Variants in CACNB2 observed in about 807,000 individuals in gnomAD.
CACNB2 encodes the protein calcium voltage-gated channel auxiliary subunit beta 2.
CACNB2 carries 42 observed loss-of-function variants against 73.3 expected under a neutral mutation model. The ratio of observed to expected loss-of-function variants is 0.57; its 90% confidence interval spans 0.45 to 0.74. The LOEUF (loss-of-function observed/expected upper bound fraction) is 0.74. CACNB2 is among the 30% of genes least tolerant of loss of function. CACNB2 has a pLI of 0.00. For synonymous variants in CACNB2, 348 were observed against 310.3 expected (o/e 1.12, Z -1.28); for missense variants, 940 against 853.0 (o/e 1.10, Z -1.27).
At chr10:18,212,466 T>A (rs1467731677) in intron 2 of CACNB2, among the ~76,000 whole-genome samples, 1 of 152,196 alleles carries the variant, frequency 6.6e-6, no homozygotes, top group African/African-American at 2.4e-5. Flanking sequence ...AGTCTATGAG[T>A]TGGTTTTCCA....
At chr10:18,492,135 CAT>C (rs751064168) in intron 3 of CACNB2, among the ~76,000 whole-genome samples, 3 of 152,076 alleles carry the variant, frequency 2.0e-5, no homozygotes, top group African/African-American at 4.8e-5. Flanking sequence ...AGGTGCCACA[CAT>C]GTTTAGACAA....
Position 18,214,559 on chromosome 10 carries a change from A to G in CACNB2, c.213+63584A>G, listed in dbSNP as rs1564348790. ...GGAGAATCGCTTGAACCCAGGAGGCAGAGCTTGCAGTGAGCCGAGATAGCA... is the reference window on the plus strand; with the variant it reads ...GGAGAATCGCTTGAACCCAGGAGGCGGAGCTTGCAGTGAGCCGAGATAGCA... On this transcript the variant is annotated intron_variant, in intron 2 of 13. Transcript: ENST00000324631. 6.3e-5 allele frequency among the ~76,000 whole-genome samples: 2 copies of G among 31,546 alleles called. 1 individual carries two copies. The highest frequency in any genetic ancestry group is 2.6e-4 in the Non-Finnish European group (2 of 7,632). 20.7% of individuals were successfully genotyped at this position (31,546 alleles called of 152,430 possible).
At chr10:18,493,211 C>G (rs573699791) in intron 3 of CACNB2, among the ~76,000 whole-genome samples, 1 of 152,182 alleles carries the variant, frequency 6.6e-6, no homozygotes, top group African/African-American at 2.4e-5. Flanking sequence ...CTCTGTTGCC[C>G]AGGCTAGAGT....
intron 11 of CACNB2, among the ~76,000 whole-genome samples, chr10:18,534,711 C>G (rs2053392816): frequency 6.6e-6 from 1 of 152,098 alleles, no homozygotes; most frequent in South Asian, 2.1e-4. Context: ...TTTATTAAAT[C>G]TTGACTTTTA....
At chr10:18,416,327 T>C (rs1163625502) in intron 3 of CACNB2, among the ~76,000 whole-genome samples, 2 of 152,236 alleles carry the variant, frequency 1.3e-5, no homozygotes, top group Non-Finnish European at 2.9e-5. Context: ...ATTACATGTA[T>C]AGACCACATT....
At chr10:18,489,185 C>T (rs1418040370) in intron 3 of CACNB2, among the ~76,000 whole-genome samples, 1 of 151,992 alleles carries the variant, frequency 6.6e-6, no homozygotes, top group Non-Finnish European at 1.5e-5. Flanking sequence ...CGCCACTGCA[C>T]TCCAGCCTGG....
At chr10:18,399,915 A>G (rs1306709862) in intron 2 of CACNB2, among the ~76,000 whole-genome samples, 1 of 152,174 alleles carries the variant, frequency 6.6e-6, no homozygotes, top group African/African-American at 2.4e-5. Context: ...CACCTCATCT[A>G]CAAGCAGAGT....
In CACNB2 at chr10:18,273,226, G is replaced by A. The variant is rs1588905295; in HGVS notation, c.213+122251G>A. Among the ~76,000 whole-genome samples, 3 of 152,122 alleles carry A rather than the reference G, an allele frequency of 2.0e-5. No individual in the cohort carries two copies. The East Asian group carries it at 5.8e-4, about 29-fold the overall frequency. ...TGTCTCAAGGTTCAAGTTCCTAGGA[G>A]AGGGGATCAGAGTGACCTGGCTTGA... On this transcript the variant is annotated intron_variant, in intron 2 of 13. Transcript: ENST00000324631.
intron 2 of CACNB2, among the ~76,000 whole-genome samples, chr10:18,288,698 C>A (rs143228559): frequency 6.6e-6 from 1 of 151,860 alleles, no homozygotes; most frequent in East Asian, 1.9e-4. Flanking sequence ...CACACACACA[C>A]ACACACAGAG....
intron 3 of CACNB2, among the ~76,000 whole-genome samples, chr10:18,443,353 T>A (rs74121221): frequency 0.044 from 6,690 of 151,912 alleles, 363 homozygotes; most frequent in South Asian, 0.12. Context: ...AGGCACGTTT[T>A]CAGGTTGACT....
At chr10:18,517,737 A>G (rs560373656) in intron 7 of CACNB2, among the ~76,000 whole-genome samples, 1 of 152,346 alleles carries the variant, frequency 6.6e-6, no homozygotes, top group Non-Finnish European at 1.5e-5. Flanking sequence ...GTTTACTAAA[A>G]TAAGCATGCA....
At chr10:18,251,284 G>A (rs753446960) in intron 2 of CACNB2, among the ~76,000 whole-genome samples, 19 of 149,998 alleles carry the variant, frequency 1.3e-4, no homozygotes, top group Non-Finnish European at 1.8e-4. Flanking sequence ...TCACTCTGTC[G>A]CCCAGGCTGG....
chr10:18,498,241 G>T, intron 3 of CACNB2, 114 bp from the exon 4 acceptor site: 1 of 1,300,672 alleles, frequency 7.7e-7, no homozygotes, highest in Non-Finnish European at 1.1e-6. Flanking sequence ...CAGTGCAGAG[G>T]GGAAACCAAC....
At chr10:18,252,488 G>A (rs2037127946) in intron 2 of CACNB2, among the ~76,000 whole-genome samples, 1 of 152,176 alleles carries the variant, frequency 6.6e-6, no homozygotes, top group African/African-American at 2.4e-5. Context: ...ATTATGGGAT[G>A]CATTTCGAGC....
At chr10:18,399,019 C>T (rs1002792915) in intron 2 of CACNB2, among the ~76,000 whole-genome samples, 7 of 152,020 alleles carry the variant, frequency 4.6e-5, no homozygotes, top group Non-Finnish European at 8.8e-5. Context: ...GGAATGAGAC[C>T]GCACAAAATT....
chr10:18,524,735 G>GTATA (rs1202270124), intron 9 of CACNB2, among the ~76,000 whole-genome samples: 82 of 149,612 alleles, frequency 5.5e-4, no homozygotes, highest in African/African-American at 1.5e-3. Context: ...ACAAGAAAAA[G>GTATA]TATAGTAGGC....
chr10:18,366,292 C>G (rs148903371), intron 2 of CACNB2, among the ~76,000 whole-genome samples: 23 of 151,610 alleles, frequency 1.5e-4, no homozygotes, highest in Admixed American at 9.2e-4. Context: ...GGTGAAACCC[C>G]GTCTCTACTA....
Position 18,220,248 on chromosome 10 carries a change from G to C in CACNB2, c.213+69273G>C, listed in dbSNP as rs1331014306. ...ATATATATATAGAGAGAGAGAGAGA[G>C]AGAGAGAGAGAGAGAGAGAGAGAGA... is the stretch of plus-strand genomic sequence containing the variant. On this transcript the variant is annotated intron_variant, in intron 2 of 13. Coordinates refer to ENST00000324631, the MANE Select transcript of CACNB2 (RefSeq NM_201596.3). Among the ~76,000 whole-genome samples, 21 of 107,862 alleles carry C rather than the reference G, an allele frequency of 1.9e-4. 1 individual carries two copies. The highest frequency in any genetic ancestry group is 4.0e-4 in the African/African-American group (10 of 24,800). The allele number at this position is 107,862 out of a possible 152,430, so 70.8% of individuals were successfully genotyped here.
intron 2 of CACNB2, among the ~76,000 whole-genome samples, chr10:18,332,073 A>T (rs1431436870): frequency 6.6e-6 from 1 of 152,084 alleles, no homozygotes; most frequent in Non-Finnish European, 1.5e-5. Context: ...GACGTCTGAG[A>T]TGTGAGTGGA....
Sources: allele counts gnomAD v4.1 joint callset (sites outside exome capture counted in the v4.1 genomes callset), GRCh38; gene constraint gnomAD v4.1.1; transcripts MANE v1.5; gene names NCBI Gene and HGNC (gene_info 2026-07-23, HGNC 2026-07-21).